MSRA: variants seen among roughly 807,000 people sequenced by gnomAD.
The protein encoded by MSRA is methionine sulfoxide reductase A.
MSRA carries 54 observed loss-of-function variants against 31.3 expected under a neutral mutation model. The ratio of observed to expected loss-of-function variants is 1.73; its 90% CI spans 1.39 to 2.17. The LOEUF is 2.17. Ranked by LOEUF, MSRA falls within the 30% of genes most tolerant of loss-of-function variation. The pLI is 0.00. For synonymous variants in MSRA, 169 were observed against 116.5 expected (o/e 1.45, Z -2.90); for missense variants, 507 against 300.9 (o/e 1.69, Z -5.07).
chr8:10,316,908 G>C (rs1295475212), intron 4 of MSRA, among the ~76,000 whole-genome samples: 1 of 152,116 alleles, frequency 6.6e-6, no homozygotes, highest in Non-Finnish European at 1.5e-5. Flanking sequence ...AAGGTAGGAG[G>C]CCACCCCGAA....
At chr8:10,128,893 T>A (rs925552165) in intron 1 of MSRA, among the ~76,000 whole-genome samples, 66 of 152,326 alleles carry the variant, frequency 4.3e-4, no homozygotes, top group African/African-American at 1.5e-3. Flanking sequence ...TAGGTTGATT[T>A]TTTCCAGGAG....
chr8:10,183,917 T>A (rs1585115206), intron 1 of MSRA, among the ~76,000 whole-genome samples: 1 of 149,516 alleles, frequency 6.7e-6, no homozygotes, highest in Admixed American at 6.7e-5. Flanking sequence ...GTGGTGATGG[T>A]CTTGGTGGTC....
chr8:10,268,780 A>G (rs1296344016), intron 3 of MSRA, among the ~76,000 whole-genome samples: 3 of 152,230 alleles, frequency 2.0e-5, no homozygotes, highest in Non-Finnish European at 4.4e-5. Context: ...AATAGAACAC[A>G]TTACACCATT....
intron 1 of MSRA, among the ~76,000 whole-genome samples, chr8:10,176,024 C>G (rs1338833831): frequency 6.6e-6 from 1 of 152,136 alleles, no homozygotes; most frequent in Non-Finnish European, 1.5e-5. Flanking sequence ...GGCTAATGGA[C>G]TGGAAGGGCC....
intron 1 of MSRA, among the ~76,000 whole-genome samples, chr8:10,188,480 T>C (rs1807239461): frequency 6.6e-6 from 1 of 152,202 alleles, no homozygotes; most frequent in South Asian, 2.1e-4. Context: ...ATTTCCACAA[T>C]TACGGATTTC....
At chr8:10,166,819 C>T (rs1018921770) in intron 1 of MSRA, among the ~76,000 whole-genome samples, 3 of 152,186 alleles carry the variant, frequency 2.0e-5, no homozygotes, top group Non-Finnish European at 4.4e-5. Flanking sequence ...CAGCAGAGCC[C>T]ATGGACTTAC....
intron 5 of MSRA, among the ~76,000 whole-genome samples, chr8:10,395,908 C>A (rs1034089258): frequency 2.0e-5 from 3 of 152,146 alleles, no homozygotes; most frequent in African/African-American, 7.2e-5. Flanking sequence ...TCAGAAATGG[C>A]AATTCACAAA....
intron 1 of MSRA, among the ~76,000 whole-genome samples, chr8:10,189,984 T>C (rs1807370775): frequency 1.3e-5 from 2 of 152,206 alleles, no homozygotes; most frequent in African/African-American, 4.8e-5. Context: ...TTTCTCGTGT[T>C]ATTTTTTGGT....
chr8:10,374,022 C>A (rs917048056), intron 5 of MSRA, among the ~76,000 whole-genome samples: 1 of 152,216 alleles, frequency 6.6e-6, no homozygotes, highest in African/African-American at 2.4e-5. Context: ...CACCGCACAC[C>A]CAGTTCCTGG....
At chr8:10,301,254 A>G (rs1441951340) in intron 3 of MSRA, among the ~76,000 whole-genome samples, 1 of 152,190 alleles carries the variant, frequency 6.6e-6, no homozygotes, top group Non-Finnish European at 1.5e-5. Flanking sequence ...AGAAACCTGA[A>G]AACCCACGTT....
chr8:10,416,137 A>G (rs952523301), intron 5 of MSRA, among the ~76,000 whole-genome samples: 2 of 152,062 alleles, frequency 1.3e-5, no homozygotes, highest in African/African-American at 4.8e-5. Context: ...GGCACTGCAG[A>G]CACGTCGTGG....
At chr8:10,211,650 C>T (rs1247840251) in intron 2 of MSRA, among the ~76,000 whole-genome samples, 1 of 152,136 alleles carries the variant, frequency 6.6e-6, no homozygotes, top group South Asian at 2.1e-4. Context: ...CATTGTGCTC[C>T]TTTATAGGCA....
chr8:10,287,427 G>A (rs1037405897), intron 3 of MSRA, among the ~76,000 whole-genome samples: 3 of 152,194 alleles, frequency 2.0e-5, no homozygotes, highest in East Asian at 1.9e-4. Context: ...AGCTACAAAA[G>A]TGTTACACCA....
intron 1 of MSRA, among the ~76,000 whole-genome samples, chr8:10,199,404 G>A (rs1808296093): frequency 6.6e-6 from 1 of 152,058 alleles, no homozygotes; most frequent in Non-Finnish European, 1.5e-5. Context: ...ACTGCAACCT[G>A]CACCTCCCGG....
chr8:10,124,103 G>T (rs1801323418), intron 1 of MSRA, among the ~76,000 whole-genome samples: 1 of 152,060 alleles, frequency 6.6e-6, no homozygotes. Context: ...TGGTGTAAGT[G>T]AAGTGATAAA....
intron 3 of MSRA, among the ~76,000 whole-genome samples, chr8:10,287,162 A>G (rs1585371966): frequency 6.6e-6 from 1 of 152,196 alleles, no homozygotes; most frequent in African/African-American, 2.4e-5. Flanking sequence ...CAATCAAATT[A>G]CAGCCGAGTC....
chr8:10,395,006 G>T (rs1407576259), intron 5 of MSRA, among the ~76,000 whole-genome samples: 1 of 152,328 alleles, frequency 6.6e-6, no homozygotes, highest in Admixed American at 6.5e-5. Context: ...CTATACAAAT[G>T]ATTTCAACTC....
intron 1 of MSRA, among the ~76,000 whole-genome samples, chr8:10,077,989 A>C (rs761295155): frequency 7.2e-5 from 11 of 152,228 alleles, no homozygotes; most frequent in Non-Finnish European, 1.5e-4. Flanking sequence ...TTTTGTGCTT[A>C]ATTCCTTGAA....
intron 2 of MSRA, among the ~76,000 whole-genome samples, chr8:10,244,633 G>A (rs78504906): frequency 0.014 from 2,203 of 152,244 alleles, 56 homozygotes; most frequent in African/African-American, 0.051. Context: ...ATTGTTAATT[G>A]GAAATATGCA....
Sources: gnomAD v4.1 joint callset for allele counts (sites outside exome capture counted in the v4.1 genomes callset) on GRCh38, gnomAD v4.1.1 for gene constraint, MANE v1.5 for transcripts, NCBI Gene and HGNC (gene_info 2026-07-23, HGNC 2026-07-21) for gene names.